The following LRBA variants were observed in gnomAD, a reference collection of about 807,000 sequenced individuals.
LRBA encodes LPS responsive beige-like anchor protein.
In LRBA, 176 loss-of-function variants were observed where a neutral mutation model predicts 330.0. That is an observed-to-expected ratio of 0.53 (90% CI 0.47 to 0.60). The LOEUF is 0.60. Among genes scored for constraint, LRBA ranks in the 20% least tolerant of loss-of-function variants. The probability of loss-of-function intolerance (pLI) is 0.00; values close to 1 mark genes in which losing one functional copy is unlikely to be tolerated. For synonymous variants in LRBA, 1,230 were observed against 1,193.0 expected (o/e 1.03, Z -0.64); for missense variants, 3,259 against 3,444.8 (o/e 0.95, Z 1.35).
chr4:150,730,654 G>C (rs915524368), intron 36 of LRBA, among the ~76,000 whole-genome samples: 1 of 144,244 alleles, frequency 6.9e-6, no homozygotes, highest in African/African-American at 2.6e-5. Flanking sequence ...CTGCACTCCA[G>C]CCTGCGTGAC....
intron 46 of LRBA, among the ~76,000 whole-genome samples, chr4:150,429,061 T>C (rs1203815589): frequency 6.6e-6 from 1 of 152,106 alleles, no homozygotes; most frequent in Non-Finnish European, 1.5e-5. Context: ...CTCATGGAGC[T>C]AATGGTCAAG....
At position 150,310,336 on chromosome 4, in the gene LRBA, T is replaced by C; in HGVS notation, c.7742A>G (p.Gln2581Arg). The change falls in exon 52 of 57, where the codon CAA becomes CGA. Residue 2581 changes from glutamine to arginine, a missense_variant. Physicochemically the swap from Gln to Arg is conservative, Grantham distance 43. Transcript: ENST00000651943. ...GCACTGGGAATGCACTTGAATACTT[T>C]GGTCTAAAAGGTCAGTGATTTGCCT... ...HRRQITDLLD[Q>R]SIQVHSQCFV... is the part of the protein sequence containing the mutation. 1 of 1,613,372 alleles carries C rather than the reference T, an allele frequency of 6.2e-7. No individual in the cohort carries two copies. Among genetic ancestry groups the C allele is most frequent in the East Asian group, 2.2e-5 (1 of 44,858 alleles).
chr4:150,329,233 C>T (rs549044425), intron 48 of LRBA, among the ~76,000 whole-genome samples: 4 of 152,246 alleles, frequency 2.6e-5, no homozygotes, highest in African/African-American at 4.8e-5. Flanking sequence ...TACTTCTTAA[C>T]GAACCTTTCA....
At chr4:150,269,485 CAG>C (rs1182148820) in intron 56 of LRBA, among the ~76,000 whole-genome samples, 2 of 152,130 alleles carry the variant, frequency 1.3e-5, no homozygotes, top group African/African-American at 2.4e-5. Flanking sequence ...AAACTAAAAA[CAG>C]ATCAAAAACC....
intron 47 of LRBA, among the ~76,000 whole-genome samples, chr4:150,406,657 A>G (rs981504869): frequency 1.3e-5 from 2 of 152,228 alleles, no homozygotes; most frequent in Non-Finnish European, 2.9e-5. Flanking sequence ...AATTATAAAC[A>G]TATATGCACT....
At chr4:150,414,397 T>C (rs1290145531) in intron 47 of LRBA, among the ~76,000 whole-genome samples, 1 of 152,214 alleles carries the variant, frequency 6.6e-6, no homozygotes, top group African/African-American at 2.4e-5. Flanking sequence ...GCAATAATTT[T>C]CCTTTTTTAC....
At chr4:151,012,630 G>A (rs113968093) in intron 2 of LRBA, among the ~76,000 whole-genome samples, 12 of 152,114 alleles carry the variant, frequency 7.9e-5, no homozygotes, top group Middle Eastern at 3.4e-3. Context: ...GCTGCACAAC[G>A]GATACCAGAG....
At chr4:150,780,972 C>T (rs923297489) in intron 34 of LRBA, among the ~76,000 whole-genome samples, 23 of 152,234 alleles carry the variant, frequency 1.5e-4, no homozygotes, top group Non-Finnish European at 1.6e-4. Context: ...CTTCACCTCC[C>T]GGGTTCATGC....
chr4:150,445,369 CTCTCTCTCTA>C (rs1047719316), intron 44 of LRBA, among the ~76,000 whole-genome samples: 2 of 84,392 alleles, frequency 2.4e-5, no homozygotes, highest in Admixed American at 1.4e-4. Context: ...CTCTCTCTCT[CTCTCTCTCTA>C]TATATATATA....
chr4:150,566,108 A>C (rs1044735344), intron 40 of LRBA, among the ~76,000 whole-genome samples: 5 of 151,638 alleles, frequency 3.3e-5, no homozygotes, highest in African/African-American at 1.2e-4. Flanking sequence ...ACATGCCTGT[A>C]GTTCTAGCTA....
chr4:150,856,109 T>C (rs1262182012), intron 22 of LRBA, among the ~76,000 whole-genome samples: 1 of 152,186 alleles, frequency 6.6e-6, no homozygotes, highest in Non-Finnish European at 1.5e-5. Flanking sequence ...GGTGAACCTC[T>C]ACCCTAAGAA....
At chr4:150,338,443 G>T (rs1735033053) in intron 48 of LRBA, among the ~76,000 whole-genome samples, 1 of 152,148 alleles carries the variant, frequency 6.6e-6, no homozygotes, top group Admixed American at 6.5e-5. Flanking sequence ...AAAAAGCACA[G>T]ATAATATTGT....
intron 40 of LRBA, among the ~76,000 whole-genome samples, chr4:150,557,599 G>A (rs940674555): frequency 4.0e-5 from 6 of 150,892 alleles, no homozygotes; most frequent in Non-Finnish European, 7.4e-5. Context: ...AAGACTTTTC[G>A]TGGTTTTGAT....
At position 150,435,652 on chromosome 4, in the gene LRBA, A is replaced by G. The variant is rs1172980980; in HGVS notation, c.6978T>C (p.Asp2326=). The change falls in exon 46 of 57, where the codon GAT becomes GAC. Residue 2326 remains aspartate (D), a synonymous_variant. Transcript: ENST00000651943. The part of the protein sequence containing the change: ...NLQGGKFDHA[D]RTFSSISRAW... ...CTCTGGAAATTGATGAAAAAGTTCG[A>G]TCTGCATGATCAAATTTGCCTCCTT... is the stretch of plus-strand genomic sequence containing the variant. 3.1e-6 allele frequency: 5 copies of G among 1,612,754 alleles called. No individual in the cohort carries two copies. The African/African-American group carries it at 5.3e-5, about 17-fold the overall frequency.
intron 40 of LRBA, among the ~76,000 whole-genome samples, chr4:150,535,344 C>T (rs1764530754): frequency 1.3e-5 from 2 of 152,108 alleles, no homozygotes; most frequent in Non-Finnish European, 2.9e-5. Context: ...CACTATGTTG[C>T]CTAGGCTGGT....
At chr4:150,713,457 G>GA (rs1168055947) in intron 36 of LRBA, among the ~76,000 whole-genome samples, 4 of 152,122 alleles carry the variant, frequency 2.6e-5, no homozygotes, top group African/African-American at 9.7e-5. Flanking sequence ...CAGGAACTCG[G>GA]AAAAATCACT....
At chr4:150,639,819 GTATATATATATATATATATATATA>G (rs56731034) in intron 37 of LRBA, among the ~76,000 whole-genome samples, 53 of 4,534 alleles carry the variant, frequency 0.012, 3 homozygotes, top group Admixed American at 0.032. Flanking sequence ...GTGTGTGTGT[GTATATATATATATATATATATATA>G]TATATATATA....
chr4:150,561,462 C>A (rs1233836282), intron 40 of LRBA, among the ~76,000 whole-genome samples: 1 of 152,152 alleles, frequency 6.6e-6, no homozygotes, highest in Non-Finnish European at 1.5e-5. Flanking sequence ...GAGAGATTAA[C>A]CTGGATTATC....
At chr4:150,893,454 A>G (rs1321321394) in intron 16 of LRBA, among the ~76,000 whole-genome samples, 2 of 151,980 alleles carry the variant, frequency 1.3e-5, no homozygotes, top group African/African-American at 4.8e-5. Flanking sequence ...AGGTTGAAGC[A>G]ATTCTTGTGC....
Sources: allele counts gnomAD v4.1 joint callset (sites outside exome capture counted in the v4.1 genomes callset), GRCh38; gene constraint gnomAD v4.1.1; transcripts MANE v1.5; gene names NCBI Gene and HGNC (gene_info 2026-07-23, HGNC 2026-07-21).